CHMP2B: variants seen among roughly 807,000 people sequenced by gnomAD.
CHMP2B encodes the protein VPS2 homolog B.
Under a neutral mutation model 29.8 loss-of-function variants are expected in CHMP2B, and 22 were observed. That is an observed-to-expected ratio of 0.74 (90% CI 0.53 to 1.05). The LOEUF (loss-of-function observed/expected upper bound fraction) is 1.05, where lower values mean the gene tolerates loss of function less well. Among genes scored for constraint, CHMP2B ranks in the 50% least tolerant of loss-of-function variants. The pLI, the probability that CHMP2B is intolerant of heterozygous loss-of-function variation, is 0.00. For missense variants in CHMP2B, 261 were observed against 252.2 expected (o/e 1.03, Z -0.24); for synonymous variants, 78 against 75.8 (o/e 1.03, Z -0.15).
chr3:87,238,921 G>C (rs758653031), intron 1 of CHMP2B, among the ~76,000 whole-genome samples: 78 of 151,978 alleles, frequency 5.1e-4, no homozygotes, highest in Non-Finnish European at 5.7e-4. Context: ...AATATGCAAG[G>C]GTTCCAATTT....
Position 87,252,568 on chromosome 3 carries a change from G to A in CHMP2B, c.425-836G>A, listed in dbSNP as rs566872750. On this transcript the variant is annotated intron_variant, in intron 4 of 5. Transcript: ENST00000263780. ...TTCACATGTAACTTCCTCCCAGTTG[G>A]ATGTGATCTCCTTCTCTGAAACTTT... Among the ~76,000 whole-genome samples, 5 of 151,836 alleles carry A rather than the reference G, an allele frequency of 3.3e-5. No homozygotes were observed. The South Asian group carries it at 1.0e-3, about 32-fold the overall frequency.
rs749814652 is a variant in CHMP2B at position 87,253,392 on chromosome 3, C to T, written c.425-12C>T. ...AAAGTAACTGCTTTGCTCCTTCTCC[C>T]ATATCCCCTAGTCAATGATACACTT... On this transcript the variant is annotated splice_polypyrimidine_tract_variant and intron_variant, in intron 4 of 5. Transcript: ENST00000263780. The T allele has an allele frequency of 1.3e-6, 2 of 1,496,050 alleles. No homozygotes were observed. The highest frequency in any genetic ancestry group is 4.5e-5 in the East Asian group (2 of 44,242). 92.7% of individuals were successfully genotyped at this position (1,496,050 alleles called of 1,614,324 possible). A position where few individuals can be genotyped will look rare whatever the true frequency, so the allele number is the denominator to read the frequency against.
intron 1 of CHMP2B, among the ~76,000 whole-genome samples, chr3:87,228,448 G>T (rs1257401868): frequency 1.3e-5 from 2 of 152,182 alleles, no homozygotes; most frequent in African/African-American, 2.4e-5. Flanking sequence ...TTCAACCAAA[G>T]AATCACTTCT....
In CHMP2B at chr3:87,253,775, T is replaced by G; in HGVS notation, c.595T>G (p.Ser199Ala). The G allele has an allele frequency of 6.2e-7, 1 of 1,612,468 alleles. No homozygotes were observed. The highest frequency in any genetic ancestry group is 1.1e-5 in the South Asian group (1 of 91,060). ...TGCCTCTACTTCAAAGGCTACAATC[T>G]CAGATGAAGAGATTGAACGGCAACT... ...PSASTSKATI[S>A]DEEIERQLKA... The change falls in exon 6 of 6, where the codon TCA becomes GCA. Residue 199 changes from serine (S) to alanine (A), a missense_variant. Ser to Ala is a moderately conservative substitution (Grantham distance 99, BLOSUM62 1). Transcript: ENST00000263780.
At chr3:87,230,843 A>G (rs1173107016) in intron 1 of CHMP2B, among the ~76,000 whole-genome samples, 2 of 152,152 alleles carry the variant, frequency 1.3e-5, no homozygotes, top group African/African-American at 4.8e-5. Flanking sequence ...TCTAATGGCC[A>G]TTATTAGTGA....
At chr3:87,228,738 G>C (rs1364337180) in intron 1 of CHMP2B, among the ~76,000 whole-genome samples, 1 of 151,974 alleles carries the variant, frequency 6.6e-6, no homozygotes, top group Non-Finnish European at 1.5e-5. Context: ...TTGATTTATT[G>C]ACTTTTTATT....
intron 1 of CHMP2B, among the ~76,000 whole-genome samples, chr3:87,229,495 A>T (rs1320318081): frequency 6.6e-6 from 1 of 152,140 alleles, no homozygotes; most frequent in Non-Finnish European, 1.5e-5. Context: ...TGACATCTTA[A>T]TAAATAGATC....
intron 1 of CHMP2B, among the ~76,000 whole-genome samples, chr3:87,234,972 A>T (rs1050228340): frequency 7.2e-5 from 8 of 111,532 alleles, no homozygotes. Flanking sequence ...TTGACAACTG[A>T]TTTTGTTTTA....
intron 1 of CHMP2B, among the ~76,000 whole-genome samples, chr3:87,227,996 A>G (rs1035644907): frequency 1.3e-5 from 2 of 152,230 alleles, no homozygotes; most frequent in Non-Finnish European, 2.9e-5. Context: ...GGCTCCAGTT[A>G]GGAAATGAAG....
chr3:87,234,806 C>T (rs1705970909), intron 1 of CHMP2B, among the ~76,000 whole-genome samples: 1 of 152,134 alleles, frequency 6.6e-6, no homozygotes, highest in Non-Finnish European at 1.5e-5. Flanking sequence ...GGCAGCAGTA[C>T]CCTGTACATG....
intron 1 of CHMP2B, among the ~76,000 whole-genome samples, 194 bp downstream of exon 1, chr3:87,227,750 G>A (rs1326981587): frequency 6.6e-6 from 1 of 152,226 alleles, no homozygotes; most frequent in Admixed American, 6.5e-5. Context: ...GCTCACCTAG[G>A]CAGTCTGGTT....
chr3:87,245,556 G>C (rs1003439569), intron 2 of CHMP2B, among the ~76,000 whole-genome samples, 158 bp from the exon 3 acceptor site: 1 of 151,654 alleles, frequency 6.6e-6, no homozygotes, highest in African/African-American at 2.4e-5. Flanking sequence ...TGCCTTCTTA[G>C]ATTTCTCTTT....
rs188213019 is a variant in CHMP2B, at chr3:87,234,554, T to C, written c.35-6145T>C. On this transcript the variant is annotated intron_variant, in intron 1 of 5. Transcript: ENST00000263780. ...GGGTGAAAAGAGGGTGGTGGATGAA[T>C]CAAGCTTCCAGACCCTTTTTATCTC... Among the ~76,000 whole-genome samples, 576 of 152,268 alleles carry C rather than the reference T, an allele frequency of 3.8e-3. 4 individuals carry two copies. Among genetic ancestry groups the C allele is most frequent in the Non-Finnish European group, 5.7e-3 (391 of 68,016 alleles).
intron 2 of CHMP2B, among the ~76,000 whole-genome samples, chr3:87,241,323 CTG>C (rs145078696): frequency 1.6e-3 from 239 of 152,264 alleles, no homozygotes; most frequent in African/African-American, 4.3e-3. Flanking sequence ...ATGCAATAAA[CTG>C]TACATATTTC....
At chr3:87,253,132 A>AT (rs1163525183) in intron 4 of CHMP2B, 6 of 347,976 alleles carry the variant, frequency 1.7e-5, no homozygotes, top group Non-Finnish European at 3.2e-5. Context: ...TGACTATCAC[A>AT]TTTTTTTGTC....
chr3:87,245,074 C>T (rs530454035), intron 2 of CHMP2B, among the ~76,000 whole-genome samples: 2 of 152,008 alleles, frequency 1.3e-5, no homozygotes, highest in Non-Finnish European at 2.9e-5. Flanking sequence ...TTATGAAATA[C>T]CCCTTTTTAT....
intron 1 of CHMP2B, among the ~76,000 whole-genome samples, chr3:87,233,264 C>A (rs1216161289): frequency 6.6e-6 from 1 of 152,066 alleles, no homozygotes. Flanking sequence ...GTCAGATATA[C>A]CATTCCCAAA....
intron 1 of CHMP2B, among the ~76,000 whole-genome samples, chr3:87,239,272 C>T (rs1300962088): frequency 1.4e-5 from 2 of 148,000 alleles, no homozygotes; most frequent in Admixed American, 7.0e-5. Flanking sequence ...TTAATTTTCA[C>T]CAAGTCCAAT....
intron 1 of CHMP2B, among the ~76,000 whole-genome samples, chr3:87,235,691 A>C (rs904234867): frequency 6.6e-6 from 1 of 152,204 alleles, no homozygotes; most frequent in Non-Finnish European, 1.5e-5. Context: ...AAAGATGGCT[A>C]TATCTAGCCT....
Sources: gnomAD v4.1 joint callset for allele counts (sites outside exome capture counted in the v4.1 genomes callset) on GRCh38, gnomAD v4.1.1 for gene constraint, MANE v1.5 for transcripts, NCBI Gene and HGNC (gene_info 2026-07-23, HGNC 2026-07-21) for gene names.